PHLPP1: variants seen among roughly 807,000 people sequenced by gnomAD.
PHLPP1 encodes PH domain and leucine rich repeat protein phosphatase 1.
Under a neutral mutation model 117.2 loss-of-function variants are expected in PHLPP1, and 42 were observed. The observed-to-expected ratio is 0.36, with a 90% CI of 0.28 to 0.46. PHLPP1 has a LOEUF of 0.46. PHLPP1 is among the 20% of genes least tolerant of loss of function. PHLPP1 has a pLI of 1.00. For missense variants in PHLPP1, 2,084 were observed against 2,241.9 expected (o/e 0.93, Z 1.42); for synonymous variants, 1,042 against 970.7 (o/e 1.07, Z -1.37).
chr18:62,806,602 A>G (rs1913958332), intron 1 of PHLPP1, among the ~76,000 whole-genome samples: 1 of 152,176 alleles, frequency 6.6e-6, no homozygotes, highest in Non-Finnish European at 1.5e-5. Flanking sequence ...CAAACCATTT[A>G]TAGGAAAATA....
At chr18:62,976,804 A>G (rs938211035) in intron 16 of PHLPP1, among the ~76,000 whole-genome samples, 2 of 152,182 alleles carry the variant, frequency 1.3e-5, no homozygotes, top group African/African-American at 4.8e-5. Flanking sequence ...ACATGGTTCT[A>G]TGGGTTTTAT....
Position 62,979,606 on chromosome 18 carries a change from TCAC to T in PHLPP1, c.*179_*181del. 1.5e-6 allele frequency: 1 copy of T among 658,378 alleles called. No homozygotes were observed. The highest frequency in any genetic ancestry group is 2.7e-5 in the East Asian group (1 of 36,392). The allele number at this position is 658,378 out of a possible 1,614,324, so 40.8% of individuals were successfully genotyped here. A position where few individuals can be genotyped will look rare whatever the true frequency, so the allele number is the denominator to read the frequency against. ...TTCTTTGGGTTATTTTTTTAAGTAA[TCAC>T]CACTTTCTTCTAGTGATGCTTTACC... On this transcript the variant is annotated 3_prime_UTR_variant, in exon 17 of 17. Transcript: ENST00000262719.
chr18:62,889,585 C>T (rs1345199346), intron 4 of PHLPP1: 1 of 152,372 alleles, frequency 6.6e-6, no homozygotes, highest in African/African-American at 2.4e-5. Flanking sequence ...CCTCACCGTA[C>T]CAGGGGTGTG....
At chr18:62,923,520 A>G (rs1388101581) in intron 10 of PHLPP1, among the ~76,000 whole-genome samples, 2 of 152,082 alleles carry the variant, frequency 1.3e-5, no homozygotes, top group African/African-American at 4.8e-5. Context: ...GGGTGGGATA[A>G]ATTTGATTAG....
intron 6 of PHLPP1, among the ~76,000 whole-genome samples, chr18:62,899,486 T>A (rs1217702656): frequency 6.6e-6 from 1 of 152,146 alleles, no homozygotes; most frequent in Admixed American, 6.5e-5. Context: ...GGGAATCAGA[T>A]GATTTGCTTC....
chr18:62,801,259 T>G (rs1913774184), intron 1 of PHLPP1, among the ~76,000 whole-genome samples: 1 of 151,522 alleles, frequency 6.6e-6, no homozygotes, highest in African/African-American at 2.4e-5. Flanking sequence ...GCCAGGCTGG[T>G]CTCAAACTCC....
At chr18:62,767,893 C>T (rs1912602802) in intron 1 of PHLPP1, among the ~76,000 whole-genome samples, 1 of 152,150 alleles carries the variant, frequency 6.6e-6, no homozygotes, top group African/African-American at 2.4e-5. Context: ...TCTTCATCCA[C>T]AAAGTGGTTT....
intron 1 of PHLPP1, among the ~76,000 whole-genome samples, chr18:62,755,979 T>TG (rs1167099056): frequency 6.9e-6 from 1 of 145,864 alleles, no homozygotes; most frequent in African/African-American, 2.7e-5. Context: ...AGAATATTTT[T>TG]GTTCCCCCCC....
intron 14 of PHLPP1, among the ~76,000 whole-genome samples, 166 bp downstream of exon 14, chr18:62,963,638 C>T (rs190729418): frequency 6.6e-6 from 1 of 152,326 alleles, no homozygotes; most frequent in Admixed American, 6.5e-5. Flanking sequence ...TATGTTTGAA[C>T]ATTAAGGGAA....
intron 3 of PHLPP1, among the ~76,000 whole-genome samples, chr18:62,850,611 G>C (rs1372174924): frequency 6.6e-6 from 1 of 152,116 alleles, no homozygotes; most frequent in African/African-American, 2.4e-5. Flanking sequence ...TTGCCAATAA[G>C]GAACTGAGGA....
chr18:62,863,018 C>T (rs995519439), intron 4 of PHLPP1, among the ~76,000 whole-genome samples: 4 of 150,236 alleles, frequency 2.7e-5, no homozygotes, highest in South Asian at 4.2e-4. Flanking sequence ...CTGTAGCTGA[C>T]GTGTACTATG....
intron 1 of PHLPP1, among the ~76,000 whole-genome samples, chr18:62,721,048 T>C (rs114706117): frequency 1.1e-3 from 163 of 152,304 alleles, no homozygotes; most frequent in African/African-American, 3.7e-3. Context: ...CGATGCTAAA[T>C]TAAATTTACA....
chr18:62,823,199 T>G (rs1223719572), intron 1 of PHLPP1, among the ~76,000 whole-genome samples: 2 of 152,146 alleles, frequency 1.3e-5, no homozygotes, highest in South Asian at 2.1e-4. Flanking sequence ...AAATGGAAAC[T>G]TTTGCTTTCT....
intron 6 of PHLPP1, among the ~76,000 whole-genome samples, chr18:62,900,433 C>CTT (rs774225759): frequency 0.01 from 545 of 54,274 alleles, 156 homozygotes; most frequent in African/African-American, 0.04. Flanking sequence ...CTTTTTCTTT[C>CTT]TTTTTTTTTT....
At chr18:62,839,009 T>C in intron 3 of PHLPP1, 100 bp downstream of exon 3, 2 of 1,179,214 alleles carry the variant, frequency 1.7e-6, no homozygotes, top group Non-Finnish European at 2.3e-6. Context: ...TTACACACAC[T>C]TTTTTTTTCC....
intron 3 of PHLPP1, among the ~76,000 whole-genome samples, chr18:62,846,354 A>C (rs1182296109): frequency 1.3e-5 from 2 of 152,160 alleles, no homozygotes; most frequent in African/African-American, 2.4e-5. Flanking sequence ...TGTATGAGTT[A>C]GTATATGAGA....
intron 1 of PHLPP1, among the ~76,000 whole-genome samples, chr18:62,726,026 G>GT (rs1911058337): frequency 6.6e-6 from 1 of 152,114 alleles, no homozygotes; most frequent in Non-Finnish European, 1.5e-5. Context: ...TCAGTTTTAA[G>GT]TAACAAGGAA....
intron 1 of PHLPP1, among the ~76,000 whole-genome samples, chr18:62,775,678 C>T (rs1445805721): frequency 6.6e-6 from 1 of 152,154 alleles, no homozygotes; most frequent in African/African-American, 2.4e-5. Context: ...TAGTTGTCCA[C>T]TTTTAGCTAT....
Position 62,715,862 on chromosome 18 carries a change from C to G in PHLPP1, c.179C>G (p.Pro60Arg), listed in dbSNP as rs1910707077. ...SPEPALTPAA[P>R]SGGNGSGSGA... ...GAGCCCGCGCTGACCCCGGCGGCCC[C>G]GAGCGGCGGGAACGGCAGCGGCAGC... The change falls in exon 1 of 17, where the codon CCG (proline) becomes CGG (arginine). Residue 60 changes from proline to arginine, a missense_variant. Transcript: ENST00000262719. The G allele has an allele frequency of 2.5e-6, 2 of 811,622 alleles. No homozygotes were observed. Among genetic ancestry groups the G allele is most frequent in the South Asian group, 5.4e-5 (1 of 18,670 alleles). The allele number at this position is 811,622 out of a possible 1,614,324, so 50.3% of individuals were successfully genotyped here.
Sources: gnomAD v4.1 joint callset for allele counts (sites outside exome capture counted in the v4.1 genomes callset) on GRCh38, gnomAD v4.1.1 for gene constraint, MANE v1.5 for transcripts, NCBI Gene and HGNC (gene_info 2026-07-23, HGNC 2026-07-21) for gene names.